The following ZNF433 variants were observed in gnomAD, a reference collection of about 807,000 sequenced individuals.
The protein encoded by ZNF433 is zinc finger protein 433.
Under a neutral mutation model 10.6 loss-of-function variants are expected in ZNF433, and 12 were observed. The observed-to-expected ratio is 1.13, with a 90% CI of 0.72 to 1.83. The LOEUF (loss-of-function observed/expected upper bound fraction) is 1.83, where lower values mean the gene tolerates loss of function less well. ZNF433 is among the 40% of genes most tolerant of loss of function. The probability of loss-of-function intolerance (pLI) is 0.00; values close to 1 mark genes in which losing one functional copy is unlikely to be tolerated. For synonymous variants in ZNF433, 272 were observed against 271.3 expected (o/e 1.00, Z -0.02); for missense variants, 737 against 798.0 (o/e 0.92, Z 0.92).
intron 1 of ZNF433, chr19:12,018,816 A>AACTCATGAGCTCTAC (rs1974343537): frequency 6.7e-6 from 1 of 148,932 alleles, no homozygotes; most frequent in South Asian, 2.1e-4. Context: ...CTAAAACAAA[A>AACTCATGAGCTCTAC]ACTCATGAGC....
chr19:12,031,999 C>T (rs989693304), intron 1 of ZNF433, among the ~76,000 whole-genome samples: 10 of 142,740 alleles, frequency 7.0e-5, no homozygotes, highest in South Asian at 4.4e-4. Flanking sequence ...AGTGCAGTGG[C>T]GCAATCTCGG....
In ZNF433 at chr19:12,031,937, CTCTT is replaced by C. The variant is rs1250411066; in HGVS notation, c.3+3596_3+3599del. ...AAAGAACTGTTTTTTTTTTTTCTTT[CTCTT>C]TTTCTTTTTTTTTTTTTGAGATGGA... On this transcript the variant is annotated intron_variant, in intron 1 of 3. Coordinates refer to ENST00000550507, the MANE Select transcript of ZNF433 (RefSeq NM_001308348.2). Among the ~76,000 whole-genome samples, 6 of 121,182 alleles carry C rather than the reference CTCTT, an allele frequency of 5.0e-5. No individual in the cohort carries two copies. In the East Asian group the frequency reaches 1.6e-3, roughly 33 times the overall value. The allele number at this position is 121,182 out of a possible 152,430, so 79.5% of individuals were successfully genotyped here. A position where few individuals can be genotyped will look rare whatever the true frequency, so the allele number is the denominator to read the frequency against.
rs545537962 is a variant in ZNF433 at position 12,018,920 on chromosome 19, C to T, written c.4-628G>A. On this transcript the variant is annotated intron_variant, in intron 1 of 3. Transcript: ENST00000550507. Reference sequence around the variant, plus strand: ...ATAAAATTAGCCAGGTATGGTGGTGCGTGCCTGTAATCCCAGCTACCCAGG... The same window carrying T: ...ATAAAATTAGCCAGGTATGGTGGTGTGTGCCTGTAATCCCAGCTACCCAGG... Among the ~76,000 whole-genome samples, 14 of 151,226 alleles carry T rather than the reference C, an allele frequency of 9.3e-5. No homozygotes were observed. The East Asian group carries it at 2.0e-3, about 21-fold the overall frequency.
Position 12,015,151 on chromosome 19 carries a change from T to C in ZNF433, c.1707A>G (p.Gly569=). The C allele has an allele frequency of 1.9e-6, 3 of 1,613,740 alleles. No individual in the cohort carries two copies. The highest frequency in any genetic ancestry group is 2.5e-6 in the Non-Finnish European group (3 of 1,179,852). Residue 569 remains glycine (G), a synonymous_variant, in exon 4 of 4, where the codon GGA becomes GGG. Transcript: ENST00000550507. ...CATGCATTTGAAGGTGTGAGGCAGA[T>C]CCAAAGGCTTTCCCACACTGCTTAC... The part of the protein sequence containing the change: ...YECKQCGKAF[G]SASHLQMHGR...
intron 1 of ZNF433, among the ~76,000 whole-genome samples, chr19:12,028,230 A>G (rs1181660509): frequency 1.3e-5 from 2 of 152,188 alleles, no homozygotes; most frequent in Non-Finnish European, 2.9e-5. Flanking sequence ...AGTGGGACCC[A>G]TGTAGATTAT....
intron 1 of ZNF433, among the ~76,000 whole-genome samples, chr19:12,028,750 G>A (rs1974859142): frequency 6.6e-6 from 1 of 152,122 alleles, no homozygotes; most frequent in Non-Finnish European, 1.5e-5. Flanking sequence ...CCATGCTATG[G>A]TGCAGGGGCA....
intron 3 of ZNF433, among the ~76,000 whole-genome samples, chr19:12,017,144 A>G (rs1169096214): frequency 6.6e-6 from 1 of 152,176 alleles, no homozygotes; most frequent in Admixed American, 6.6e-5. Context: ...TGGCCCAGCC[A>G]TATCTATTAT....
At chr19:12,020,444 C>A (rs532708341) in intron 1 of ZNF433, among the ~76,000 whole-genome samples, 1 of 152,104 alleles carries the variant, frequency 6.6e-6, no homozygotes, top group African/African-American at 2.4e-5. Flanking sequence ...GAAAAGTATT[C>A]ATAAAATAAT....
At chr19:12,030,581 AAGAT>A (rs745587049) in intron 1 of ZNF433, among the ~76,000 whole-genome samples, 1 of 152,230 alleles carries the variant, frequency 6.6e-6, no homozygotes, top group Non-Finnish European at 1.5e-5. Flanking sequence ...CAAGATGACT[AAGAT>A]AGATAGGCAC....
At chr19:12,026,741 C>T in intron 1 of ZNF433, 1 of 454,136 alleles carries the variant, frequency 2.2e-6, no homozygotes, top group Non-Finnish European at 4.4e-6. Context: ...AGAGGTGCTG[C>T]ACAACGATTC....
intron 1 of ZNF433, among the ~76,000 whole-genome samples, chr19:12,030,635 TAA>T: frequency 6.6e-6 from 1 of 152,168 alleles, no homozygotes; most frequent in African/African-American, 2.4e-5. Context: ...TCTATACTAA[TAA>T]AGAGAAAATG....
chr19:12,021,215 T>G (rs1280248295), intron 1 of ZNF433, among the ~76,000 whole-genome samples: 1 of 151,976 alleles, frequency 6.6e-6, no homozygotes, highest in Non-Finnish European at 1.5e-5. Flanking sequence ...ACTCCTGACC[T>G]CGTGATTCAC....
At chr19:12,026,300 C>T (rs879407900) in intron 1 of ZNF433, 3 of 181,950 alleles carry the variant, frequency 1.6e-5, no homozygotes, top group Admixed American at 1.6e-4. Context: ...TCCCTGGTTG[C>T]AGCCATGTCA....
Position 12,014,927 on chromosome 19 carries a change from T to G in ZNF433, c.1931A>C (p.Lys644Thr), listed in dbSNP as rs1275882204. 5.6e-6 allele frequency: 9 copies of G among 1,613,906 alleles called. No homozygotes were observed. The highest frequency in any genetic ancestry group is 7.6e-6 in the Non-Finnish European group (9 of 1,179,974). Residue 644 changes from lysine (K) to threonine (T), a missense_variant, in exon 4 of 4, where the codon AAA becomes ACA. Transcript: ENST00000550507. ...GRTHTGEKPY[K>T]CNQCGKVFRC... ...AAAGACTTTACCACATTGGTTACAT[T>G]TATAGGGTTTCTCTCCAGTGTGAGT...
Position 12,015,346 on chromosome 19 carries a change from T to G in ZNF433, c.1512A>C (p.Glu504Asp), listed in dbSNP as rs761379393. The G allele has an allele frequency of 6.2e-7, 1 of 1,614,064 alleles. No homozygotes were observed. Among genetic ancestry groups the G allele is most frequent in the South Asian group, 1.1e-5 (1 of 91,072 alleles). Residue 504 changes from glutamate (E) to aspartate (D), a missense_variant, in exon 4 of 4, where the codon GAA becomes GAC. Physicochemically the swap from Glu to Asp is conservative, Grantham distance 45. Coordinates refer to ENST00000550507, the MANE Select transcript of ZNF433 (RefSeq NM_001308348.2). ...ERTHTGGKTYECKQCGRSFNC... is the reference protein window; with the variant it reads ...ERTHTGGKTYDCKQCGRSFNC... ...TGAAGGATCTGCCACACTGCTTGCA[T>G]TCATAGGTTTTTCCTCCAGTGTGAG...
At chr19:12,019,127 A>G (rs1974364555) in intron 1 of ZNF433, among the ~76,000 whole-genome samples, 1 of 151,868 alleles carries the variant, frequency 6.6e-6, no homozygotes, top group Non-Finnish European at 1.5e-5. Flanking sequence ...TCAAACTTTT[A>G]AAAACTTTTG....
chr19:12,033,577 C>A (rs971867781), intron 1 of ZNF433, among the ~76,000 whole-genome samples: 2 of 151,670 alleles, frequency 1.3e-5, no homozygotes, highest in African/African-American at 4.8e-5. Context: ...AATCCCAGCA[C>A]TTTGGGAGGC....
intron 3 of ZNF433, among the ~76,000 whole-genome samples, chr19:12,017,619 A>G (rs965848580): frequency 2.0e-5 from 3 of 152,150 alleles, no homozygotes; most frequent in African/African-American, 7.2e-5. Context: ...CAGTGATGCC[A>G]TCATGACTTA....
rs1974109366 is a variant in ZNF433 at position 12,015,279 on chromosome 19, C to T, written c.1579G>A (p.Gly527Arg). Residue 527 changes from glycine to arginine, a missense_variant, in exon 4 of 4, where the codon GGA (glycine) becomes AGA (arginine). Gly to Arg is a moderately radical substitution (Grantham distance 125). Coordinates refer to ENST00000550507, the MANE Select transcript of ZNF433 (RefSeq NM_001308348.2). ...TGCTTGCATTCATAGGGTTTCTCTC[C>T]AGTGTGAGTCCTTCCATGATATCGA... ...SFRYHGRTHT[G>R]EKPYECKQCG... 2 of 1,613,886 alleles carry T rather than the reference C, an allele frequency of 1.2e-6. No individual in the cohort carries two copies. Among genetic ancestry groups the T allele is most frequent in the African/African-American group, 2.7e-5 (2 of 74,858 alleles).
Sources: allele counts gnomAD v4.1 joint callset (sites outside exome capture counted in the v4.1 genomes callset), GRCh38; gene constraint gnomAD v4.1.1; transcripts MANE v1.5; gene names NCBI Gene and HGNC (gene_info 2026-07-23, HGNC 2026-07-21).